FTCDNL1: variants seen among roughly 807,000 people sequenced by gnomAD.
FTCDNL1 encodes the protein formiminotransferase N-terminal subdomain-containing protein.
A neutral mutation model predicts 5.9 loss-of-function variants in FTCDNL1; 11 were observed. The ratio of observed to expected loss-of-function variants is 1.87; its 90% CI spans 1.18 to 3.10. The LOEUF is 3.10. Among genes scored for constraint, FTCDNL1 ranks in the 30% most tolerant of loss-of-function variants. The probability of loss-of-function intolerance (pLI) is 0.00; values close to 1 mark genes in which losing one functional copy is unlikely to be tolerated. For missense variants in FTCDNL1, 115 were observed against 65.5 expected (o/e 1.76, Z -2.61); for synonymous variants, 58 against 24.8 (o/e 2.34, Z -3.99).
At chr2:199,693,099 G>A in the FTCDNL1 span, among the ~76,000 whole-genome samples, 1 of 152,168 alleles carries the variant, frequency 6.6e-6, no homozygotes, top group Admixed American at 6.5e-5. Flanking sequence ...GCAATGTGTT[G>A]GGGGCTGGGC....
chr2:199,732,789 T>C, the FTCDNL1 span, among the ~76,000 whole-genome samples: 1 of 152,238 alleles, frequency 6.6e-6, no homozygotes, highest in East Asian at 1.9e-4. Flanking sequence ...GATCATTGGT[T>C]ACCCAAGAGA....
At chr2:199,726,859 C>A in the FTCDNL1 span, among the ~76,000 whole-genome samples, 1 of 152,166 alleles carries the variant, frequency 6.6e-6, no homozygotes, top group Non-Finnish European at 1.5e-5. Flanking sequence ...TTGACAACCT[C>A]TATTGGGAGG....
the FTCDNL1 span, among the ~76,000 whole-genome samples, chr2:199,735,570 G>A: frequency 6.6e-6 from 1 of 152,062 alleles, no homozygotes; most frequent in Non-Finnish European, 1.5e-5. Flanking sequence ...CTTTAGTGGT[G>A]AGCAAGAAGC....
chr2:199,732,067 T>A, the FTCDNL1 span, among the ~76,000 whole-genome samples: 11 of 152,244 alleles, frequency 7.2e-5, no homozygotes, highest in Non-Finnish European at 1.5e-4. Flanking sequence ...CAATTTAACA[T>A]GTTCACTGTT....
intron 3 of FTCDNL1, among the ~76,000 whole-genome samples, chr2:199,845,364 TGA>T (rs932252521): frequency 1.3e-5 from 2 of 151,962 alleles, no homozygotes; most frequent in African/African-American, 4.8e-5. Flanking sequence ...GTCAGGAGTT[TGA>T]GACCAGCCTG....
At chr2:199,793,410 T>G (rs1371261488) in intron 3 of FTCDNL1, among the ~76,000 whole-genome samples, 4 of 151,988 alleles carry the variant, frequency 2.6e-5, no homozygotes, top group Admixed American at 6.6e-5. Context: ...ACATAAAATA[T>G]ATATGACTAC....
chr2:199,715,664 C>T, the FTCDNL1 span, among the ~76,000 whole-genome samples: 10 of 152,222 alleles, frequency 6.6e-5, no homozygotes, highest in African/African-American at 2.4e-4. Flanking sequence ...ATTGAAACAT[C>T]CCTACAAGGG....
Position 199,803,731 on chromosome 2 carries a change from T to G in FTCDNL1, c.211+42344A>C, listed in dbSNP as rs2106413437. Among the ~76,000 whole-genome samples, 2 of 152,284 alleles carry G rather than the reference T, an allele frequency of 1.3e-5. 1 individual carries two copies. The highest frequency in any genetic ancestry group is 6.8e-3 in the Middle Eastern group (2 of 294). The stretch of plus-strand genomic sequence containing the variant: ...TTCCTGCCTGGGCCTCCTGAATTGC[T>G]GGGATTACAGGCATGAGCCACCATG... On this transcript the variant is annotated intron_variant, in intron 3 of 3. Transcript: ENST00000416668.
intron 3 of FTCDNL1, among the ~76,000 whole-genome samples, chr2:199,792,804 T>C (rs1255196911): frequency 6.6e-6 from 1 of 152,206 alleles, no homozygotes. Context: ...GCAACCTTTG[T>C]ATCCAAAGCA....
At chr2:199,706,169 AG>A in the FTCDNL1 span, among the ~76,000 whole-genome samples, 1 of 152,208 alleles carries the variant, frequency 6.6e-6, no homozygotes, top group Admixed American at 6.5e-5. Context: ...CCCTGAATAC[AG>A]GAAGTCTAGA....
chr2:199,844,385 G>A, intron 3 of FTCDNL1: 1 of 559,654 alleles, frequency 1.8e-6, no homozygotes, highest in Non-Finnish European at 3.3e-6. Flanking sequence ...CTTACTTCTG[G>A]CCACCACTCC....
chr2:199,779,148 A>G (rs1699234104), intron 3 of FTCDNL1, among the ~76,000 whole-genome samples: 1 of 152,222 alleles, frequency 6.6e-6, no homozygotes. Context: ...AATACCCACT[A>G]CTATATTCAA....
chr2:199,765,922 T>C (rs899866094), intron 3 of FTCDNL1, among the ~76,000 whole-genome samples: 1 of 152,094 alleles, frequency 6.6e-6, no homozygotes, highest in South Asian at 2.1e-4. Flanking sequence ...TCTGGGTCTC[T>C]TTCTCCTTCT....
rs1698226696 is a variant in FTCDNL1, at chr2:199,760,664, T to G, written c.*149A>C. The G allele has an allele frequency of 3.9e-5, 23 of 585,744 alleles. No individual in the cohort carries two copies. The South Asian group carries it at 5.0e-4, about 13-fold the overall frequency. 36.3% of individuals were successfully genotyped at this position (585,744 alleles called of 1,614,324 possible). On this transcript the variant is annotated 3_prime_UTR_variant, in exon 4 of 4. Coordinates refer to the FTCDNL1 transcript ENST00000416668. ...TACCCTCTATTTAGAATTTAGTAAT[T>G]CTGGGTATGGTATAATTTTCCATCT...
At chr2:199,693,658 C>T in the FTCDNL1 span, among the ~76,000 whole-genome samples, 1 of 152,180 alleles carries the variant, frequency 6.6e-6, no homozygotes. Context: ...ACCATATGAC[C>T]TTACTGAACC....
intron 4 of FTCDNL1, among the ~76,000 whole-genome samples, chr2:199,817,615 C>T (rs957854430): frequency 2.9e-4 from 44 of 152,074 alleles, no homozygotes; most frequent in Admixed American, 2.7e-3. Context: ...TGGTGAAACC[C>T]TGTCTCTACA....
chr2:199,827,439 A>G (rs188709003), intron 3 of FTCDNL1, among the ~76,000 whole-genome samples: 36 of 152,240 alleles, frequency 2.4e-4, no homozygotes, highest in Admixed American at 1.6e-3. Context: ...CTATAAAGAG[A>G]TATTTGCCTG....
intron 3 of FTCDNL1, among the ~76,000 whole-genome samples, chr2:199,798,212 T>C (rs1700266065): frequency 6.6e-6 from 1 of 152,150 alleles, no homozygotes; most frequent in South Asian, 2.1e-4. Flanking sequence ...CAACTATACC[T>C]AGAGAGTTAT....
chr2:199,717,345 A>T, the FTCDNL1 span, among the ~76,000 whole-genome samples: 1 of 152,064 alleles, frequency 6.6e-6, no homozygotes, highest in Non-Finnish European at 1.5e-5. Flanking sequence ...ACATTGGTTC[A>T]GTACTTATTT....
Sources: gnomAD v4.1 joint callset for allele counts (sites outside exome capture counted in the v4.1 genomes callset) on GRCh38, gnomAD v4.1.1 for gene constraint, MANE v1.5 for transcripts, NCBI Gene and HGNC (gene_info 2026-07-23, HGNC 2026-07-21) for gene names.